CFTR: variants seen among roughly 807,000 people sequenced by gnomAD.
CFTR encodes the protein cystic fibrosis transmembrane conductance regulator.
A neutral mutation model predicts 171.6 loss-of-function variants in CFTR; 181 were observed. That is an observed-to-expected ratio of 1.05 (90% CI 0.93 to 1.19). CFTR has a LOEUF of 1.19. Ranked by LOEUF, CFTR falls within the 50% of genes most tolerant of loss-of-function variation. CFTR has a pLI of 0.00. For synonymous variants in CFTR, 583 were observed against 608.0 expected (o/e 0.96, Z 0.60); for missense variants, 1,968 against 1,734.7 (o/e 1.13, Z -2.39).
chr7:117,629,196 C>T (rs534009557), intron 22 of CFTR, among the ~76,000 whole-genome samples: 10 of 152,038 alleles, frequency 6.6e-5, no homozygotes, highest in Admixed American at 5.9e-4. Flanking sequence ...ATAGGCCATG[C>T]GTGTTCAGTA....
At chr7:117,593,561 A>G (rs1792070067) in intron 14 of CFTR, among the ~76,000 whole-genome samples, 1 of 152,138 alleles carries the variant, frequency 6.6e-6, no homozygotes. Flanking sequence ...GGTTTCCTAA[A>G]TGATAATTCA....
chr7:117,665,813 A>G (rs1046220327), intron 26 of CFTR, among the ~76,000 whole-genome samples: 2 of 152,218 alleles, frequency 1.3e-5, no homozygotes, highest in African/African-American at 4.8e-5. Context: ...TAAATAGGAT[A>G]TATATACTTT....
intron 17 of CFTR, among the ~76,000 whole-genome samples, chr7:117,605,874 C>T (rs532912248): frequency 1.5e-4 from 23 of 152,168 alleles, no homozygotes; most frequent in African/African-American, 5.3e-4. Flanking sequence ...CTTTATCCTG[C>T]AGTTTATGGG....
chr7:117,575,863 A>G (rs777597593), intron 11 of CFTR, among the ~76,000 whole-genome samples: 14 of 152,152 alleles, frequency 9.2e-5, no homozygotes, highest in Admixed American at 8.5e-4. Context: ...ACACAGTTCT[A>G]TACATTGCAT....
At chr7:117,560,300 T>C (rs1372638887) in intron 11 of CFTR, among the ~76,000 whole-genome samples, 1 of 152,088 alleles carries the variant, frequency 6.6e-6, no homozygotes, top group Non-Finnish European at 1.5e-5. Flanking sequence ...GAGAAACCAG[T>C]ATATGGATCT....
chr7:117,547,620 G>A lies in CFTR; in HGVS notation c.1210-1021G>A, dbSNP rs1413084364. On this transcript the variant is annotated intron_variant, in intron 9 of 26. Coordinates refer to ENST00000003084, the MANE Select transcript of CFTR (RefSeq NM_000492.4). ...AGATAGGACATGTAGATTGCCTTAG[G>A]TTTGAAATCTGGGTGAAATAAGATA... Among the ~76,000 whole-genome samples the A allele has an allele frequency of 2.6e-5, 4 of 152,124 alleles. No homozygotes were observed. In the South Asian group the frequency reaches 8.3e-4, roughly 32 times the overall value.
At chr7:117,531,197 G>A (rs1325348405) in intron 4 of CFTR, 83 bp downstream of exon 4, 2 of 1,025,730 alleles carry the variant, frequency 1.9e-6, no homozygotes, top group Non-Finnish European at 3.0e-6. Context: ...TAGTGAGCTG[G>A]TACAAGTAAG....
At chr7:117,535,158 C>A in intron 5 of CFTR, 90 bp from the exon 6 acceptor site, 1 of 1,398,428 alleles carries the variant, frequency 7.2e-7, no homozygotes, top group South Asian at 1.2e-5. Context: ...ATATAAGCTC[C>A]TTTTACTTGC....
intron 8 of CFTR, 78 bp from the exon 9 acceptor site, chr7:117,541,938 G>C: frequency 1.6e-6 from 1 of 644,074 alleles, no homozygotes; most frequent in South Asian, 1.9e-5. Flanking sequence ...GTAGCACAAT[G>C]AGAGTATAAA....
rs577837759 is a variant in CFTR at position 117,609,897 on chromosome 7, A to T, written c.2989-622A>T. On this transcript the variant is annotated intron_variant, in intron 18 of 26. Coordinates refer to ENST00000003084, the MANE Select transcript of CFTR (RefSeq NM_000492.4). ...TCAAACTTCAAAAATGTTATCAGTG[A>T]CCTAAACAATTTTTAAAATTTTCAT... Among the ~76,000 whole-genome samples, 6 of 152,258 alleles carry T rather than the reference A, an allele frequency of 3.9e-5. No individual in the cohort carries two copies. The South Asian group carries it at 8.3e-4, about 21-fold the overall frequency.
intron 21 of CFTR, among the ~76,000 whole-genome samples, chr7:117,626,387 G>T (rs1024094893): frequency 1.3e-5 from 2 of 152,030 alleles, no homozygotes; most frequent in African/African-American, 4.8e-5. Context: ...TTTCCAAAAA[G>T]AATAATTTTT....
At chr7:117,621,056 A>T (rs1273153169) in intron 21 of CFTR, among the ~76,000 whole-genome samples, 4 of 152,132 alleles carry the variant, frequency 2.6e-5, no homozygotes, top group Non-Finnish European at 4.4e-5. Flanking sequence ...GAGCTGAGAT[A>T]GCTCCACTGC....
At chr7:117,539,750 T>A (rs1799016318) in intron 7 of CFTR, among the ~76,000 whole-genome samples, 1 of 151,928 alleles carries the variant, frequency 6.6e-6, no homozygotes, top group Non-Finnish European at 1.5e-5. Flanking sequence ...TTAGTCTAAC[T>A]AATATTACAA....
intron 22 of CFTR, among the ~76,000 whole-genome samples, chr7:117,636,613 G>A (rs1006188907): frequency 5.9e-5 from 9 of 151,478 alleles, no homozygotes; most frequent in Admixed American, 5.3e-4. Context: ...AGTGTTGGAA[G>A]TTTCTATTGA....
At chr7:117,585,619 A>T (rs988598685) in intron 11 of CFTR, among the ~76,000 whole-genome samples, 17 of 151,992 alleles carry the variant, frequency 1.1e-4, no homozygotes, top group African/African-American at 2.4e-5. Flanking sequence ...TCTCCAAAAG[A>T]TTTAAGTGTT....
chr7:117,589,903 C>T (rs946514719), intron 12 of CFTR, among the ~76,000 whole-genome samples: 76 of 151,978 alleles, frequency 5.0e-4, no homozygotes, highest in Admixed American at 2.6e-4. Flanking sequence ...CACCAAAACC[C>T]AACATCTTCA....
At chr7:117,543,054 A>G (rs1028098471) in intron 9 of CFTR, among the ~76,000 whole-genome samples, 2 of 152,228 alleles carry the variant, frequency 1.3e-5, no homozygotes, top group Non-Finnish European at 2.9e-5. Flanking sequence ...AATATTATCA[A>G]TGATTTTTAG....
chr7:117,640,324 A>C (rs1166641056), intron 22 of CFTR, among the ~76,000 whole-genome samples: 7 of 152,176 alleles, frequency 4.6e-5, no homozygotes, highest in Admixed American at 1.3e-4. Flanking sequence ...CCAGCAGTTC[A>C]ATGATATAAG....
At chr7:117,485,547 G>A (rs902161476) in intron 1 of CFTR, among the ~76,000 whole-genome samples, 2 of 152,150 alleles carry the variant, frequency 1.3e-5, no homozygotes, top group African/African-American at 2.4e-5. Context: ...TGTGAAATTA[G>A]CATTACAGAG....
Sources: allele counts gnomAD v4.1 joint callset (sites outside exome capture counted in the v4.1 genomes callset), GRCh38; gene constraint gnomAD v4.1.1; transcripts MANE v1.5; gene names NCBI Gene and HGNC (gene_info 2026-07-23, HGNC 2026-07-21).